Variants in PCBD1 observed in about 807,000 individuals in gnomAD.
PCBD1 encodes the protein pterin-4 alpha-carbinolamine dehydratase 1.
In PCBD1, 16 loss-of-function variants were observed where a neutral mutation model predicts 12.6. The observed-to-expected ratio is 1.27, with a 90% CI of 0.86 to 1.93. The LOEUF (loss-of-function observed/expected upper bound fraction) is 1.93, where lower values mean the gene tolerates loss of function less well. Ranked by LOEUF, PCBD1 falls within the 30% of genes most tolerant of loss-of-function variation. PCBD1 has a pLI of 0.00. For synonymous variants in PCBD1, 53 were observed against 50.2 expected, an observed-to-expected ratio of 1.05 and a Z score of -0.23; for missense variants, 86 against 130.1, an observed-to-expected ratio of 0.66 and a Z score of 1.65.
intron 2 of PCBD1, 127 bp downstream of exon 2, chr10:70,885,671 C>A (rs1215119230): frequency 8.3e-7 from 1 of 1,203,600 alleles, no homozygotes; most frequent in Non-Finnish European, 1.2e-6. Flanking sequence ...TGGCACAGTG[C>A]CCAAATAACT....
At position 70,883,727 on chromosome 10, in the gene PCBD1, T is replaced by C. The variant is rs1846533651; in HGVS notation, c.*223A>G. 7.1e-7 allele frequency: 1 copy of C among 1,411,910 alleles called. No individual in the cohort carries two copies. Among genetic ancestry groups the C allele is most frequent in the Non-Finnish European group, 9.2e-7 (1 of 1,083,262 alleles). The allele number at this position is 1,411,910 out of a possible 1,614,324, so 87.5% of individuals were successfully genotyped here. ...AGGGGAGAGTTTATTCAAATTAGTGTAACAGAGCCCCCAGGATGAAGAGAG... is the reference window on the plus strand; with the variant it reads ...AGGGGAGAGTTTATTCAAATTAGTGCAACAGAGCCCCCAGGATGAAGAGAG... On this transcript the variant is annotated 3_prime_UTR_variant, in exon 4 of 4. Transcript: ENST00000299299.
chr10:70,885,083 C>T, intron 3 of PCBD1, 69 bp downstream of exon 3: 2 of 1,293,408 alleles, frequency 1.5e-6, no homozygotes, highest in Non-Finnish European at 2.2e-6. Context: ...CAAAAGCCTT[C>T]AGAATGTGTC....
intron 1 of PCBD1, chr10:70,888,241 A>AG: frequency 3.0e-6 from 1 of 327,984 alleles, no homozygotes. Context: ...CGGCCCAGGA[A>AG]GGTCGTAGGC....
intron 2 of PCBD1, 44 bp from the exon 3 acceptor site, chr10:70,885,276 G>C (rs765691212): frequency 6.9e-7 from 1 of 1,444,030 alleles, no homozygotes; most frequent in East Asian, 2.3e-5. Context: ...CTAAGAGAAA[G>C]GACTTCTGGA....
chr10:70,885,695 G>A, intron 2 of PCBD1, 103 bp downstream of exon 2: 1 of 1,411,888 alleles, frequency 7.1e-7, no homozygotes, highest in South Asian at 1.2e-5. Flanking sequence ...TGAGTGTGGT[G>A]TCTGAGAGTC....
At chr10:70,882,690 C>A (rs189513178), downstream of PCBD1, among the ~76,000 whole-genome samples, 1 of 152,168 alleles carries the variant, frequency 6.6e-6, no homozygotes, top group Non-Finnish European at 1.5e-5. Context: ...TCTACTGATT[C>A]AAATGTTATC....
intron 1 of PCBD1, among the ~76,000 whole-genome samples, chr10:70,887,665 C>T (rs1401485927): frequency 6.6e-6 from 1 of 152,188 alleles, no homozygotes; most frequent in Non-Finnish European, 1.5e-5. Context: ...ACTGACAAAC[C>T]TTCCAGGTGC....
In PCBD1 at chr10:70,885,237, T is replaced by C. The variant is rs1045143071; in HGVS notation, c.136-5A>G. The C allele has an allele frequency of 1.2e-6, 2 of 1,612,134 alleles. No homozygotes were observed. Among genetic ancestry groups the C allele is most frequent in the African/African-American group, 2.7e-5 (2 of 74,892 alleles). On this transcript the variant is annotated splice_polypyrimidine_tract_variant and splice_region_variant and intron_variant, in intron 2 of 3. Coordinates refer to ENST00000299299, the MANE Select transcript of PCBD1 (RefSeq NM_000281.4). ...TCTTGTCATGAACCCAAAGGCCTAT[T>C]TAAGTGGAGTGAGAGCCAGGTTAGT... is the stretch of plus-strand genomic sequence containing the variant.
intron 1 of PCBD1, 75 bp downstream of exon 1, chr10:70,888,456 C>T: frequency 6.9e-7 from 1 of 1,443,158 alleles, no homozygotes; most frequent in Non-Finnish European, 9.1e-7. Context: ...TTCCCCCGCC[C>T]CTTCCCGCTC....
rs577941909 is a variant in PCBD1, at chr10:70,885,762, C to T, written c.135+36G>A. Reference sequence around the variant, plus strand: ...GCTTTGTAAGGTGACCCCATCAGCCCGTCTCAGAAAACTCTGTCCCACCCT... The same window carrying T: ...GCTTTGTAAGGTGACCCCATCAGCCTGTCTCAGAAAACTCTGTCCCACCCT... On this transcript the variant is annotated intron_variant, in intron 2 of 3. Coordinates refer to ENST00000299299, the MANE Select transcript of PCBD1 (RefSeq NM_000281.4). 318 of 1,612,854 alleles carry T rather than the reference C, an allele frequency of 2.0e-4. 3 individuals are homozygous for T. The South Asian group carries it at 2.9e-3, about 15-fold the overall frequency.
Position 70,883,969 on chromosome 10 carries a change from A to G in PCBD1, c.296T>C (p.Val99Ala). Residue 99 changes from valine to alanine, a missense_variant, in exon 4 of 4, where the codon GTA becomes GCA. By Grantham distance (64) the Val-to-Ala change is moderately conservative. Transcript: ENST00000299299. ...DINLASFIEQ[V>A]AVSMT ...CAGGGTCTATGTCATGGACACTGCT[A>G]CTTGTTCGATGAAGCTGGCCAGGTT... 3 of 1,614,002 alleles carry G rather than the reference A, an allele frequency of 1.9e-6. No homozygotes were observed. The highest frequency in any genetic ancestry group is 2.5e-6 in the Non-Finnish European group (3 of 1,179,986).
chr10:70,885,065 G>T, intron 3 of PCBD1, 87 bp downstream of exon 3: 1 of 1,095,230 alleles, frequency 9.1e-7, no homozygotes, highest in Non-Finnish European at 1.4e-6. Context: ...AAGGCTCATT[G>T]TTAAGTCCAA....
At chr10:70,888,340 G>C (rs1441997442) in intron 1 of PCBD1, 191 bp downstream of exon 1, 2 of 496,968 alleles carry the variant, frequency 4.0e-6, no homozygotes, top group Admixed American at 4.9e-5. Context: ...ACCCGCCACC[G>C]CCCCTCTCAG....
chr10:70,884,478 ATTTTTTTTTTT>A (rs71012255), intron 3 of PCBD1, among the ~76,000 whole-genome samples: 4 of 108,466 alleles, frequency 3.7e-5, no homozygotes, highest in African/African-American at 1.5e-4. Context: ...ATGTGTCTGT[ATTTTTTTTTTT>A]TTTTTTTTTT....
Position 70,888,526 on chromosome 10 carries a change from C to CCTG in PCBD1, c.3+4_3+5insCAG, listed in dbSNP as rs1287374028. 7.7e-7 allele frequency: 1 copy of CCTG among 1,304,186 alleles called. No individual in the cohort carries two copies. The highest frequency in any genetic ancestry group is 9.8e-7 in the Non-Finnish European group (1 of 1,024,818). The allele number at this position is 1,304,186 out of a possible 1,614,324, so 80.8% of individuals were successfully genotyped here. On this transcript the variant is annotated splice_donor_region_variant and intron_variant, in intron 1 of 3. Transcript: ENST00000299299. ...CCGATCGCGGCCGCGCACCCCTGGA[C>CCTG]TCACCATGGCGCGGGCGGCAGCAGG...
At chr10:70,886,786 T>C (rs966601187) in intron 1 of PCBD1, among the ~76,000 whole-genome samples, 1 of 152,214 alleles carries the variant, frequency 6.6e-6, no homozygotes, top group Non-Finnish European at 1.5e-5. Context: ...CCATCCTATT[T>C]ACCTAATGTG....
intron 1 of PCBD1, among the ~76,000 whole-genome samples, chr10:70,887,127 G>C (rs942178867): frequency 6.6e-6 from 1 of 152,070 alleles, no homozygotes; most frequent in African/African-American, 2.4e-5. Flanking sequence ...TACCTCTCTT[G>C]GCAGAACCTC....
At chr10:70,885,000 A>G in intron 3 of PCBD1, 152 bp downstream of exon 3, 1 of 715,560 alleles carries the variant, frequency 1.4e-6, no homozygotes, top group Non-Finnish European at 2.6e-6. Flanking sequence ...GATTCTAGGC[A>G]TGTGCAATCT....
At chr10:70,887,488 C>A (rs1470910481) in intron 1 of PCBD1, among the ~76,000 whole-genome samples, 1 of 152,142 alleles carries the variant, frequency 6.6e-6, no homozygotes, top group African/African-American at 2.4e-5. Context: ...CGTGGCTGAC[C>A]GCCTGGTCCG....
Sources: gnomAD v4.1 joint callset for allele counts (sites outside exome capture counted in the v4.1 genomes callset) on GRCh38, gnomAD v4.1.1 for gene constraint, MANE v1.5 for transcripts, NCBI Gene and HGNC (gene_info 2026-07-23, HGNC 2026-07-21) for gene names.